Variants in TDRD12 observed in about 807,000 individuals in gnomAD.
The protein encoded by TDRD12 is tudor domain containing 12.
Under a neutral mutation model 133.5 loss-of-function variants are expected in TDRD12, and 158 were observed. The observed-to-expected ratio is 1.18, with a 90% CI of 1.04 to 1.35. TDRD12 has a LOEUF of 1.35. Among genes scored for constraint, TDRD12 ranks in the 40% most tolerant of loss-of-function variants. The pLI is 0.00. For missense variants in TDRD12, 1,443 were observed against 1,321.3 expected (o/e 1.09, Z -1.43); for synonymous variants, 460 against 477.9 (o/e 0.96, Z 0.49).
At chr19:32,821,086 C>T (rs10408300) in exon 28 of TDRD12, 54,621 of 1,535,680 alleles carry the variant, frequency 0.036, 1,924 homozygotes, top group African/African-American at 0.14. Context: ...CCTGAGGACA[C>T]GGGTGCAGAA....
rs146911422 is a variant in TDRD12 at position 32,774,970 on chromosome 19, A to G, written c.1040+1438A>G. ...ACTGCACTCCAGCCTGGGCAACAGA[A>G]CAAGACTCCGTTTCAAAAAAAAAAA... On this transcript the variant is annotated intron_variant, in intron 10 of 27. Transcript: ENST00000444215. Among the ~76,000 whole-genome samples, 1,407 of 151,796 alleles carry G rather than the reference A, an allele frequency of 9.3e-3. 18 individuals are homozygous for G. The highest frequency in any genetic ancestry group is 0.031 in the African/African-American group (1,268 of 41,342).
At chr19:32,801,944 A>T in intron 19 of TDRD12, 71 bp downstream of exon 19, 1 of 510,058 alleles carries the variant, frequency 2.0e-6, no homozygotes, top group Non-Finnish European at 3.3e-6. Context: ...TAATTCATTT[A>T]TATATCTCAT....
chr19:32,798,813 T>C (rs2145689197), intron 16 of TDRD12, among the ~76,000 whole-genome samples: 1 of 152,324 alleles, frequency 6.6e-6, no homozygotes, highest in East Asian at 1.9e-4. Context: ...TTCTTTTTCT[T>C]TGAATTCTTG....
At chr19:32,807,727 T>C (rs1966881145) in intron 22 of TDRD12, 79 bp downstream of exon 22, 2 of 1,019,620 alleles carry the variant, frequency 2.0e-6, no homozygotes, top group Non-Finnish European at 2.8e-6. Flanking sequence ...AAGCAGGATC[T>C]TAGTAGATGT....
chr19:32,794,929 G>C, intron 14 of TDRD12, 116 bp downstream of exon 14: 5 of 616,742 alleles, frequency 8.1e-6, no homozygotes, highest in South Asian at 7.7e-5. Context: ...CAAACTTCCA[G>C]GCCAGAAACT....
intron 27 of TDRD12, 100 bp from the exon 28 acceptor site, chr19:32,820,933 C>T (rs549489474): frequency 3.3e-5 from 31 of 926,636 alleles, no homozygotes; most frequent in East Asian, 7.9e-5. Context: ...TCTGACTCCA[C>T]GGCCACAGGC....
In TDRD12 at chr19:32,798,177, G is replaced by T; in HGVS notation, c.1631-131G>T. ...GTTTGTTAGATGCTGGGCATATGGGGTTGACTAGGACAGAAACAGTGTTTT... is the reference window on the plus strand; with the variant it reads ...GTTTGTTAGATGCTGGGCATATGGGTTTGACTAGGACAGAAACAGTGTTTT... On this transcript the variant is annotated intron_variant, in intron 15 of 27. Coordinates refer to ENST00000444215, the Ensembl canonical transcript of TDRD12. 7.2e-6 allele frequency: 6 copies of T among 835,888 alleles called. No homozygotes were observed. The South Asian group carries it at 1.1e-4, about 15-fold the overall frequency. The allele number at this position is 835,888 out of a possible 1,614,324, so 51.8% of individuals were successfully genotyped here.
intron 7 of TDRD12, 34 bp from the exon 8 acceptor site, chr19:32,757,004 A>T (rs1197942217): frequency 1.3e-6 from 2 of 1,518,230 alleles, no homozygotes; most frequent in East Asian, 2.5e-5. Context: ...GCTTTATTTC[A>T]TGCTTTAATT....
chr19:32,802,639 G>A lies in TDRD12; in HGVS notation c.2198-17G>A, dbSNP rs1005064728. The A allele has an allele frequency of 1.2e-5, 19 of 1,534,688 alleles. No homozygotes were observed. The highest frequency in any genetic ancestry group is 1.2e-4 in the Admixed American group (6 of 50,946). ...TAACTCCAGCGCGTGTGACATTGTC[G>A]GACTCCCTCTCTGCAGCCCTCACAG... On this transcript the variant is annotated splice_polypyrimidine_tract_variant and intron_variant, in intron 19 of 27. Coordinates refer to ENST00000444215, the Ensembl canonical transcript of TDRD12.
intron 6 of TDRD12, among the ~76,000 whole-genome samples, chr19:32,753,688 T>G (rs959736496): frequency 3.1e-3 from 413 of 131,400 alleles, no homozygotes; most frequent in Admixed American, 5.7e-3. Context: ...TTTTTTTTTT[T>G]TTGTATTTTT....
chr19:32,723,343 C>T (rs1342199542), intron 1 of TDRD12, among the ~76,000 whole-genome samples: 7 of 151,048 alleles, frequency 4.6e-5, no homozygotes, highest in South Asian at 4.2e-4. Flanking sequence ...CTCTGCCTCC[C>T]GGGTTCATGC....
At chr19:32,794,060 C>CAGGGATT (rs1042759653) in intron 13 of TDRD12, among the ~76,000 whole-genome samples, 6 of 136,438 alleles carry the variant, frequency 4.4e-5, no homozygotes, top group Non-Finnish European at 7.6e-5. Flanking sequence ...TCCTAAAGTG[C>CAGGGATT]AGGGATTACA....
chr19:32,742,720 T>C (rs1174966985), intron 3 of TDRD12, 61 bp from the exon 4 acceptor site: 15 of 1,476,614 alleles, frequency 1.0e-5, no homozygotes, highest in Non-Finnish European at 1.4e-5. Flanking sequence ...AGGTATACTT[T>C]AACGGAGTAT....
intron 8 of TDRD12, among the ~76,000 whole-genome samples, chr19:32,757,413 G>A (rs1407445129): frequency 6.6e-6 from 1 of 152,180 alleles, no homozygotes; most frequent in Non-Finnish European, 1.5e-5. Flanking sequence ...TGTCCCTAGA[G>A]TGTACATATG....
chr19:32,740,299 CACTCTCTGCATCTCCTGGGT>C (rs1969380204), intron 3 of TDRD12, among the ~76,000 whole-genome samples: 2 of 75,522 alleles, frequency 2.6e-5, no homozygotes, highest in African/African-American at 6.3e-5. Flanking sequence ...ATCTCCTGGG[CACTCTCTGCATCTCCTGGGT>C]ACTCTCTGCA....
chr19:32,726,423 C>T (rs753746439), intron 1 of TDRD12, among the ~76,000 whole-genome samples: 1 of 152,148 alleles, frequency 6.6e-6, no homozygotes, highest in Non-Finnish European at 1.5e-5. Context: ...TGTCCCTCTC[C>T]AGAAGTCTTT....
intron 8 of TDRD12, among the ~76,000 whole-genome samples, chr19:32,761,593 A>G (rs1970152766): frequency 1.3e-5 from 2 of 152,058 alleles, no homozygotes; most frequent in Admixed American, 1.3e-4. Context: ...TTTAATTTGC[A>G]TTTCTCTAAT....
At chr19:32,787,268 TG>T (rs1425738694) in intron 11 of TDRD12, among the ~76,000 whole-genome samples, 1 of 152,142 alleles carries the variant, frequency 6.6e-6, no homozygotes, top group African/African-American at 2.4e-5. Flanking sequence ...CAGCAAATAT[TG>T]CTGCCTGATC....
chr19:32,806,166 C>G (rs192644292), intron 21 of TDRD12, among the ~76,000 whole-genome samples: 175 of 152,264 alleles, frequency 1.1e-3, no homozygotes, highest in Admixed American at 3.1e-3. Context: ...TCTGCCTGAT[C>G]CAGACGCAAC....
Sources: gnomAD v4.1 joint callset for allele counts (sites outside exome capture counted in the v4.1 genomes callset) on GRCh38, gnomAD v4.1.1 for gene constraint, MANE v1.5 for transcripts, NCBI Gene and HGNC (gene_info 2026-07-23, HGNC 2026-07-21) for gene names.